Variants in ZNF736 observed in about 807,000 individuals in gnomAD.
ZNF736 encodes zinc finger protein 736, also known as KRAB-containing zinc-finger repressor protein.
ZNF736 carries 6 observed loss-of-function variants against 11.7 expected under a neutral mutation model. That is an observed-to-expected ratio of 0.51 (90% CI 0.28 to 1.01). The LOEUF (loss-of-function observed/expected upper bound fraction) is 1.01, where lower values mean the gene tolerates loss of function less well. ZNF736 is among the 50% of genes least tolerant of loss of function. The pLI, the probability that ZNF736 is intolerant of heterozygous loss-of-function variation, is 0.09. For missense variants in ZNF736, 444 were observed against 496.0 expected (o/e 0.90, Z 1.00); for synonymous variants, 139 against 164.7 (o/e 0.84, Z 1.19).
chr7:64,335,480 A>G (rs918940793), intron 1 of ZNF736, among the ~76,000 whole-genome samples: 1 of 152,186 alleles, frequency 6.6e-6, no homozygotes, highest in Admixed American at 6.5e-5. Context: ...CACCTGATAC[A>G]AATTTCTTTT....
In ZNF736 at chr7:64,348,264, A is replaced by T; in HGVS notation, c.401A>T (p.His134Leu). 1 of 1,551,996 alleles carries T rather than the reference A, an allele frequency of 6.4e-7. No individual in the cohort carries two copies. The highest frequency in any genetic ancestry group is 8.7e-7 in the Non-Finnish European group (1 of 1,146,924). ...KGQKSSYNGL[H>L]QCLSATHSKT... Reference sequence around the variant, plus strand: ...CAGAAAAGCAGTTATAATGGCCTTCATCAATGTTTGTCAGCTACCCATAGC... The same window carrying T: ...CAGAAAAGCAGTTATAATGGCCTTCTTCAATGTTTGTCAGCTACCCATAGC... Residue 134 changes from histidine (H) to leucine (L), a missense_variant, in exon 4 of 4, where the codon CAT becomes CTT. His to Leu is a moderately conservative substitution (Grantham distance 99). Transcript: ENST00000423484.
chr7:64,345,753 G>C (rs1463129931), intron 3 of ZNF736, among the ~76,000 whole-genome samples: 1 of 63,546 alleles, frequency 1.6e-5, no homozygotes, highest in Non-Finnish European at 3.5e-5. Flanking sequence ...AAAAAAAAAA[G>C]GTGTGTTGTT....
intron 3 of ZNF736, among the ~76,000 whole-genome samples, chr7:64,342,264 A>T (rs1038977394): frequency 6.6e-6 from 1 of 152,078 alleles, no homozygotes; most frequent in African/African-American, 2.4e-5. Flanking sequence ...AACAGATGTC[A>T]TATGTTTCTG....
chr7:64,315,778 T>G (rs1294105196), intron 1 of ZNF736, among the ~76,000 whole-genome samples: 14 of 152,196 alleles, frequency 9.2e-5, no homozygotes, highest in Non-Finnish European at 1.8e-4. Flanking sequence ...ATTCTAAATT[T>G]CCAATTTCTT....
chr7:64,315,190 C>T (rs1383510808), intron 1 of ZNF736, among the ~76,000 whole-genome samples: 1 of 147,110 alleles, frequency 6.8e-6, no homozygotes, highest in Non-Finnish European at 1.5e-5. Flanking sequence ...TTCTATGCAG[C>T]CTGTGGAACC....
chr7:64,337,752 TTTG>T (rs1393908607), intron 3 of ZNF736, among the ~76,000 whole-genome samples: 18 of 50,304 alleles, frequency 3.6e-4, no homozygotes, highest in Admixed American at 1.3e-3. Context: ...TTTTGTTTTT[TTTG>T]GTTTTTTTTT....
At chr7:64,347,700 C>T (rs1008041110) in intron 3 of ZNF736, among the ~76,000 whole-genome samples, 3 of 152,166 alleles carry the variant, frequency 2.0e-5, no homozygotes, top group African/African-American at 4.8e-5. Flanking sequence ...AGAAATTAGT[C>T]TTTGGTAAGG....
rs528548021 is a variant in ZNF736 at position 64,328,761 on chromosome 7, G to GA, written c.4-7489dup. ...TGGGCGACAGAGCGAGGCTCTGTCT[G>GA]AAAAAAAAACTTCAGGTAGTCATAT... On this transcript the variant is annotated intron_variant, in intron 1 of 3. Transcript: ENST00000423484. Among the ~76,000 whole-genome samples the GA allele has an allele frequency of 5.0e-3, 754 of 150,200 alleles. 8 individuals are homozygous for GA. Among genetic ancestry groups the GA allele is most frequent in the East Asian group, 0.033 (167 of 5,110 alleles).
At chr7:64,337,996 C>A (rs1241739313) in intron 3 of ZNF736, among the ~76,000 whole-genome samples, 5 of 152,136 alleles carry the variant, frequency 3.3e-5, no homozygotes, top group Non-Finnish European at 7.4e-5. Context: ...CTCAGGTGAT[C>A]TGCCTGCCTT....
chr7:64,319,489 C>T (rs7777270), intron 1 of ZNF736, among the ~76,000 whole-genome samples: 33,418 of 55,580 alleles, frequency 0.6, 9,971 homozygotes, highest in African/African-American at 0.78. Context: ...CATTTCTTCC[C>T]TTTTTTTTTT....
intron 1 of ZNF736, among the ~76,000 whole-genome samples, chr7:64,314,832 C>T (rs1419957570): frequency 6.6e-6 from 1 of 152,176 alleles, no homozygotes; most frequent in East Asian, 1.9e-4. Flanking sequence ...CTCGGGCCTC[C>T]TAAAGTGCCG....
At chr7:64,340,117 T>C (rs1489620361) in intron 3 of ZNF736, among the ~76,000 whole-genome samples, 2 of 152,202 alleles carry the variant, frequency 1.3e-5, no homozygotes, top group Non-Finnish European at 2.9e-5. Flanking sequence ...GGCAGTGTTC[T>C]GCAGTACGGC....
chr7:64,324,526 G>GC lies in ZNF736; in HGVS notation c.3+10380dup, dbSNP rs571806118. ...CATTTAGCTACCAGTATGTGATTTT[G>GC]CCCCCCCGGACACATGCACACTATA... is the stretch of plus-strand genomic sequence containing the variant. On this transcript the variant is annotated intron_variant, in intron 1 of 3. Coordinates refer to ENST00000423484, the MANE Select transcript of ZNF736 (RefSeq NM_001170905.3). 2.3e-3 allele frequency among the ~76,000 whole-genome samples: 355 copies of GC among 152,020 alleles called. 2 individuals carry two copies. The highest frequency in any genetic ancestry group is 6.9e-3 in the African/African-American group (284 of 41,422).
rs138558104 is a variant in ZNF736, at chr7:64,327,670, C to T, written c.4-8589C>T. ...GTAAAGATGATTTTTTCTAGTGGTA[C>T]GTTTTAATTTTTAGATTTTATGTAT... On this transcript the variant is annotated intron_variant, in intron 1 of 3. Coordinates refer to ENST00000423484, the MANE Select transcript of ZNF736 (RefSeq NM_001170905.3). 3.8e-3 allele frequency among the ~76,000 whole-genome samples: 579 copies of T among 152,124 alleles called. 3 individuals carry two copies. The highest frequency in any genetic ancestry group is 0.012 in the African/African-American group (506 of 41,506).
Position 64,352,359 on chromosome 7 carries a change from A to G in ZNF736, c.*3212A>G, listed in dbSNP as rs1284805056. On this transcript the variant is annotated 3_prime_UTR_variant, in exon 4 of 4. Coordinates refer to ENST00000423484, the MANE Select transcript of ZNF736 (RefSeq NM_001170905.3). ...AAAGCACCTGTAGGAGGTAGCTGGA[A>G]GCCCCTGTTGAAGGTCCTACCCAGT... The G allele has an allele frequency of 6.6e-6, 1 of 152,216 alleles. No homozygotes were observed. Among genetic ancestry groups the G allele is most frequent in the African/African-American group, 2.4e-5 (1 of 41,450 alleles). The allele number at this position is 152,216 out of a possible 1,614,324, so 9.4% of individuals were successfully genotyped here. A position where few individuals can be genotyped will look rare whatever the true frequency, so the allele number is the denominator to read the frequency against.
chr7:64,337,041 A>G, intron 3 of ZNF736, 59 bp downstream of exon 3: 1 of 1,405,288 alleles, frequency 7.1e-7, no homozygotes, highest in Non-Finnish European at 9.9e-7. Context: ...TCAAGGAGGA[A>G]GCCAAACCTT....
rs1789521360 is a variant in ZNF736, at chr7:64,353,786, A to G, written c.*4639A>G. On this transcript the variant is annotated 3_prime_UTR_variant, in exon 4 of 4. Coordinates refer to ENST00000423484, the MANE Select transcript of ZNF736 (RefSeq NM_001170905.3). ...TAATAATCTGCTTAGTAAGAGAAACAATTTGAATTTTAGAAGGAAATTGCC... is the reference window on the plus strand; with the variant it reads ...TAATAATCTGCTTAGTAAGAGAAACGATTTGAATTTTAGAAGGAAATTGCC... 1.3e-5 allele frequency: 2 copies of G among 152,254 alleles called. No homozygotes were observed. Among genetic ancestry groups the G allele is most frequent in the African/African-American group, 4.8e-5 (2 of 41,460 alleles). 9.4% of individuals were successfully genotyped at this position (152,254 alleles called of 1,614,324 possible).
chr7:64,329,639 A>G (rs649439), intron 1 of ZNF736, among the ~76,000 whole-genome samples: 108,583 of 150,340 alleles, frequency 0.72, 38,957 homozygotes, highest in East Asian at 0.77. Flanking sequence ...ATGCTGAGCT[A>G]CCTGGAGCTG....
chr7:64,338,874 C>T (rs1789296767), intron 3 of ZNF736, among the ~76,000 whole-genome samples: 1 of 151,644 alleles, frequency 6.6e-6, no homozygotes, highest in African/African-American at 2.4e-5. Context: ...AATTGTATAG[C>T]AGTACTATTA....
Sources: allele counts gnomAD v4.1 joint callset (sites outside exome capture counted in the v4.1 genomes callset), GRCh38; gene constraint gnomAD v4.1.1; transcripts MANE v1.5; gene names NCBI Gene and HGNC (gene_info 2026-07-23, HGNC 2026-07-21).